Variants in ZFP1 observed in about 807,000 individuals in gnomAD.
ZFP1 encodes ZFP1 zinc finger protein.
Under a neutral mutation model 38.5 loss-of-function variants are expected in ZFP1, and 32 were observed. That is an observed-to-expected ratio of 0.83 (90% CI 0.63 to 1.12). The LOEUF is 1.12. Among genes scored for constraint, ZFP1 ranks in the 50% most tolerant of loss-of-function variants. ZFP1 has a pLI of 0.00. For missense variants in ZFP1, 616 were observed against 480.8 expected (o/e 1.28, Z -2.63); for synonymous variants, 245 against 168.8 (o/e 1.45, Z -3.50).
chr16:75,167,007 C>T (rs1439127765), intron 3 of ZFP1, 111 bp downstream of exon 3: 2 of 1,514,052 alleles, frequency 1.3e-6, no homozygotes, highest in Admixed American at 2.2e-5. Context: ...CCTAAGTCCT[C>T]AGGTATTAAA....
At chr16:75,161,905 C>T (rs2037810602) in intron 2 of ZFP1, among the ~76,000 whole-genome samples, 1 of 148,174 alleles carries the variant, frequency 6.7e-6, no homozygotes. Context: ...CTGCCTCAGC[C>T]TCCCAGGTAG....
intron 2 of ZFP1, among the ~76,000 whole-genome samples, chr16:75,162,547 T>G (rs7186402): frequency 0.73 from 110,625 of 152,090 alleles, 43,383 homozygotes; most frequent in Non-Finnish European, 0.87. Context: ...ATTTGAGATT[T>G]GGGGGTACAT....
the ZFP1 span, among the ~76,000 whole-genome samples, chr16:75,120,752 C>T: frequency 6.7e-6 from 1 of 148,254 alleles, no homozygotes; most frequent in African/African-American, 2.5e-5. Flanking sequence ...CAAGCGCCAC[C>T]ATGCCCAGCT....
intron 2 of ZFP1, among the ~76,000 whole-genome samples, chr16:75,153,750 G>A (rs1425108765): frequency 2.0e-5 from 3 of 152,106 alleles, no homozygotes; most frequent in African/African-American, 7.2e-5. Context: ...TGTACATTCT[G>A]TGTATTTTGA....
intron 1 of ZFP1, among the ~76,000 whole-genome samples, chr16:75,150,833 T>C (rs1056483174): frequency 1.3e-5 from 2 of 152,144 alleles, no homozygotes; most frequent in Non-Finnish European, 2.9e-5. Flanking sequence ...CCTTGATTGA[T>C]TGATTGATTG....
At chr16:75,147,720 A>T (rs2036972049), upstream of ZFP1, among the ~76,000 whole-genome samples, 1 of 152,126 alleles carries the variant, frequency 6.6e-6, no homozygotes, top group African/African-American at 2.4e-5. Flanking sequence ...TTTCTGCTCA[A>T]ATTTTGCTGT....
Position 75,152,940 on chromosome 16 carries a change from A to T in ZFP1, c.-12A>T. On this transcript the variant is annotated 5_prime_UTR_variant, in exon 2 of 4. Transcript: ENST00000570010. ...CTTCATAGTTCTCTGCCTTTGCCCA[A>T]AACTGCAGAAAATGAACAAATCCCA... 1.2e-6 allele frequency: 2 copies of T among 1,613,802 alleles called. No individual in the cohort carries two copies. The highest frequency in any genetic ancestry group is 1.7e-6 in the Non-Finnish European group (2 of 1,179,874).
chr16:75,149,403 C>T (rs1424045505), intron 1 of ZFP1: 2 of 152,190 alleles, frequency 1.3e-5, no homozygotes, highest in Non-Finnish European at 2.9e-5. Context: ...CAAAATTCTT[C>T]ACTACTTTGA....
chr16:75,145,640 A>C (rs1273528779), upstream of ZFP1, among the ~76,000 whole-genome samples: 2 of 152,206 alleles, frequency 1.3e-5, no homozygotes, highest in Admixed American at 1.3e-4. Flanking sequence ...AAAGAGAAGA[A>C]GCAATTGAGC....
the ZFP1 span, among the ~76,000 whole-genome samples, chr16:75,124,549 T>C: frequency 9.2e-4 from 138 of 149,722 alleles, 2 homozygotes; most frequent in African/African-American, 3.0e-3. Flanking sequence ...TTTGGGAGGC[T>C]GAGGCGGGTG....
At chr16:75,131,534 C>T in the ZFP1 span, among the ~76,000 whole-genome samples, 2 of 152,066 alleles carry the variant, frequency 1.3e-5, no homozygotes, top group Non-Finnish European at 2.9e-5. Flanking sequence ...CCCATCAAAT[C>T]GGGAGTGCAC....
chr16:75,139,390 A>AAC, the ZFP1 span, among the ~76,000 whole-genome samples: 93 of 131,364 alleles, frequency 7.1e-4, no homozygotes, highest in Non-Finnish European at 1.1e-3. Context: ...AAAAAAAAAA[A>AAC]AAAAAACACC....
At chr16:75,133,806 T>C in the ZFP1 span, among the ~76,000 whole-genome samples, 2 of 152,264 alleles carry the variant, frequency 1.3e-5, no homozygotes, top group East Asian at 3.9e-4. Context: ...CCCAGCACTT[T>C]GGGAGGCTGA....
chr16:75,146,536 A>G (rs1210967793), upstream of ZFP1, among the ~76,000 whole-genome samples: 1 of 152,188 alleles, frequency 6.6e-6, no homozygotes, highest in African/African-American at 2.4e-5. Context: ...AGATGTTTAG[A>G]GCAGCTTTAT....
chr16:75,122,620 CATT>C, the ZFP1 span, among the ~76,000 whole-genome samples: 8 of 152,320 alleles, frequency 5.3e-5, no homozygotes, highest in African/African-American at 1.7e-4. Flanking sequence ...ATAAATAAGA[CATT>C]AATATTGGTT....
chr16:75,169,863 C>T lies in ZFP1; in HGVS notation c.753C>T (p.His251=). 6.2e-7 allele frequency: 1 copy of T among 1,614,088 alleles called. No homozygotes were observed. The highest frequency in any genetic ancestry group is 8.5e-7 in the Non-Finnish European group (1 of 1,180,010). ...ECPECGKAFT[H]QSNLIVHQRA... ...CGGAATGTGGAAAAGCTTTCACCCA[C>T]CAGTCAAACCTCATTGTACACCAGA... Residue 251 remains histidine (H), a synonymous_variant, in exon 4 of 4, where the codon CAC becomes CAT. Coordinates refer to ENST00000570010, the MANE Select transcript of ZFP1 (RefSeq NM_153688.4).
chr16:75,171,258 C>T lies in ZFP1; in HGVS notation c.*924C>T, dbSNP rs761548686. On this transcript the variant is annotated 3_prime_UTR_variant, in exon 4 of 4. Transcript: ENST00000570010. ...TTTCCCTTAATATTTCATGAATTGT[C>T]TAGCAAAAATGGTAGGATGCTTCTG... 6.6e-5 allele frequency: 10 copies of T among 152,130 alleles called. No individual in the cohort carries two copies. Among genetic ancestry groups the T allele is most frequent in the Admixed American group, 6.5e-4 (10 of 15,270 alleles). 9.4% of individuals were successfully genotyped at this position (152,130 alleles called of 1,614,324 possible). A position where few individuals can be genotyped will look rare whatever the true frequency, so the allele number is the denominator to read the frequency against.
chr16:75,165,393 T>A (rs1279657009), intron 2 of ZFP1, among the ~76,000 whole-genome samples: 2 of 152,164 alleles, frequency 1.3e-5, no homozygotes, highest in Non-Finnish European at 2.9e-5. Flanking sequence ...ATACCTGTTT[T>A]TTCCTCTGGG....
chr16:75,130,766 T>C, the ZFP1 span, among the ~76,000 whole-genome samples: 3 of 152,186 alleles, frequency 2.0e-5, no homozygotes, highest in East Asian at 5.8e-4. Flanking sequence ...CCTAGCTACC[T>C]ACCGTAATAC....
Sources: gnomAD v4.1 joint callset for allele counts (sites outside exome capture counted in the v4.1 genomes callset) on GRCh38, gnomAD v4.1.1 for gene constraint, MANE v1.5 for transcripts, NCBI Gene and HGNC (gene_info 2026-07-23, HGNC 2026-07-21) for gene names.